Variants in CPVL observed in about 807,000 individuals in gnomAD.
CPVL encodes probable serine carboxypeptidase CPVL.
A neutral mutation model predicts 63.7 loss-of-function variants in CPVL; 51 were observed. That is an observed-to-expected ratio of 0.80 (90% CI 0.64 to 1.01). The LOEUF is 1.01. Ranked by LOEUF, CPVL falls within the 50% of genes least tolerant of loss-of-function variation. CPVL has a pLI of 0.00. For missense variants in CPVL, 530 were observed against 573.1 expected, an observed-to-expected ratio of 0.92 and a Z score of 0.77; for synonymous variants, 195 against 206.0, an observed-to-expected ratio of 0.95 and a Z score of 0.46.
intron 3 of CPVL, among the ~76,000 whole-genome samples, chr7:29,111,758 G>A (rs764466479): frequency 1.3e-5 from 2 of 152,142 alleles, no homozygotes; most frequent in Admixed American, 1.3e-4. Context: ...GAGAAACAAC[G>A]TAACTTGAAA....
At position 29,145,371 on chromosome 7, in the gene CPVL, T is replaced by C. The variant is rs946005073; in HGVS notation, c.-11+1058A>G. 2.6e-5 allele frequency among the ~76,000 whole-genome samples: 4 copies of C among 152,012 alleles called. No individual in the cohort carries two copies. The Middle Eastern group carries it at 0.01, about 388-fold the overall frequency. On this transcript the variant is annotated intron_variant, in intron 1 of 12. Coordinates refer to ENST00000265394, the MANE Select transcript of CPVL (RefSeq NM_031311.5). ...ATGCCAAAACTGAGGCTGTGGAAGATAAGTTACGTCCCTGATGTCATCCAA... is the reference window on the plus strand; with the variant it reads ...ATGCCAAAACTGAGGCTGTGGAAGACAAGTTACGTCCCTGATGTCATCCAA...
rs145327469 is a variant in CPVL, at chr7:29,175,880, A to G, written c.-11+5410T>C. Among the ~76,000 whole-genome samples, 269 of 152,174 alleles carry G rather than the reference A, an allele frequency of 1.8e-3. 1 individual carries two copies. Among genetic ancestry groups the G allele is most frequent in the African/African-American group, 6.2e-3 (258 of 41,534 alleles). ...GGCAATATTCAAAGAGATCATGACT[A>G]TTTTCCATAATTGAAAAAAAGACCA... On this transcript the variant is annotated intron_variant, in intron 5 of 16. Coordinates refer to the CPVL transcript ENST00000409850.
At chr7:29,180,146 T>G (rs1797877965) in intron 5 of CPVL, among the ~76,000 whole-genome samples, 1 of 152,226 alleles carries the variant, frequency 6.6e-6, no homozygotes, top group South Asian at 2.1e-4. Flanking sequence ...AGTTTTTTTA[T>G]TAGAAAGGAA....
At chr7:29,106,972 T>A (rs1787778500) in intron 3 of CPVL, among the ~76,000 whole-genome samples, 1 of 152,192 alleles carries the variant, frequency 6.6e-6, no homozygotes, top group Admixed American at 6.5e-5. Context: ...GGTCAAGGAA[T>A]CAGCCAGAGC....
intron 12 of CPVL, among the ~76,000 whole-genome samples, chr7:29,001,559 C>T (rs1784638281): frequency 6.6e-6 from 1 of 152,190 alleles, no homozygotes; most frequent in Non-Finnish European, 1.5e-5. Flanking sequence ...TTAGCAGACA[C>T]TTCCTAACAA....
upstream of CPVL, among the ~76,000 whole-genome samples, chr7:29,148,896 G>A (rs1009518624): frequency 5.9e-5 from 9 of 152,086 alleles, no homozygotes; most frequent in African/African-American, 1.7e-4. Context: ...GACTCTGCCC[G>A]AAGAGCCAGG....
At chr7:29,097,818 G>A (rs943429216) in intron 3 of CPVL, among the ~76,000 whole-genome samples, 6 of 152,184 alleles carry the variant, frequency 3.9e-5, no homozygotes, top group South Asian at 2.1e-4. Context: ...AGGTCTGAGC[G>A]CTGCCCTGAG....
chr7:29,099,478 G>A lies in CPVL; in HGVS notation c.289-3261C>T, dbSNP rs925743284. Among the ~76,000 whole-genome samples the A allele has an allele frequency of 2.0e-5, 3 of 152,190 alleles. No homozygotes were observed. In the South Asian group the frequency reaches 6.2e-4, roughly 32 times the overall value. ...TATGATCCCAGCACTTTGGGAGGCC[G>A]AGGCAGCAAGATCACCTGAGGTCAG... On this transcript the variant is annotated intron_variant, in intron 3 of 12. Transcript: ENST00000265394.
intron 5 of CPVL, among the ~76,000 whole-genome samples, chr7:29,175,750 A>T (rs1351202308): frequency 6.6e-6 from 1 of 150,742 alleles, no homozygotes; most frequent in Non-Finnish European, 1.5e-5. Flanking sequence ...GAGCACAGGG[A>T]AAAAAACAAA....
At chr7:29,142,211 A>C (rs1432011479) in intron 1 of CPVL, among the ~76,000 whole-genome samples, 2 of 152,198 alleles carry the variant, frequency 1.3e-5, no homozygotes, top group Admixed American at 6.5e-5. Flanking sequence ...CTGTAGATAA[A>C]CAGGCATTAA....
At chr7:29,081,680 T>C (rs1467594031) in intron 7 of CPVL, among the ~76,000 whole-genome samples, 2 of 152,220 alleles carry the variant, frequency 1.3e-5, no homozygotes, top group Non-Finnish European at 2.9e-5. Flanking sequence ...GGAGCTTCTA[T>C]TAACACTTCA....
In CPVL at chr7:29,052,198, C is replaced by T. The variant is rs541284101; in HGVS notation, c.1137+11863G>A. Among the ~76,000 whole-genome samples the T allele has an allele frequency of 3.4e-4, 51 of 151,484 alleles. No individual in the cohort carries two copies. In the South Asian group the frequency reaches 0.01, roughly 30 times the overall value. On this transcript the variant is annotated intron_variant, in intron 11 of 12. Transcript: ENST00000265394. The stretch of plus-strand genomic sequence containing the variant: ...TACAAACAGGGTGTGTTGTGTACTG[C>T]TTGGGTGATGGGTGCACCAAAATCT...
chr7:29,036,398 T>C lies in CPVL; in HGVS notation c.1138-5639A>G, dbSNP rs117919011. Among the ~76,000 whole-genome samples the C allele has an allele frequency of 7.7e-3, 1,168 of 152,308 alleles. 5 individuals carry two copies. Among genetic ancestry groups the C allele is most frequent in the Non-Finnish European group, 0.011 (723 of 68,020 alleles). On this transcript the variant is annotated intron_variant, in intron 11 of 12. Transcript: ENST00000265394. ...AAGCAAGTTGATCATCTGATAATGA[T>C]TGGAGAGACTCGACACAGCACTTCT...
Position 29,084,470 on chromosome 7 carries a change from T to C in CPVL, c.609+2014A>G, listed in dbSNP as rs573019207. On this transcript the variant is annotated intron_variant, in intron 7 of 12. Coordinates refer to ENST00000265394, the MANE Select transcript of CPVL (RefSeq NM_031311.5). ...GCCCTTGCCCTACTGCATCCTTTCA[T>C]GACACTTGTCCCTGCCTGATGGTGG... Among the ~76,000 whole-genome samples the C allele has an allele frequency of 1.4e-4, 21 of 152,358 alleles. No individual in the cohort carries two copies. In the South Asian group the frequency reaches 3.9e-3, roughly 29 times the overall value.
intron 5 of CPVL, among the ~76,000 whole-genome samples, chr7:29,177,028 G>C (rs1481829674): frequency 6.6e-6 from 1 of 151,776 alleles, no homozygotes; most frequent in Non-Finnish European, 1.5e-5. Flanking sequence ...AAGAAAGAGA[G>C]GGGAAAAAAT....
intron 11 of CPVL, among the ~76,000 whole-genome samples, chr7:29,063,852 A>T (rs1255552347): frequency 2.0e-5 from 3 of 152,126 alleles, no homozygotes; most frequent in Non-Finnish European, 4.4e-5. Context: ...GATTACAGGT[A>T]TAAGTCACCA....
intron 1 of CPVL, among the ~76,000 whole-genome samples, chr7:29,145,524 T>C (rs1792441089): frequency 1.4e-5 from 2 of 140,748 alleles, no homozygotes; most frequent in Admixed American, 7.1e-5. Flanking sequence ...GGGTCATGCA[T>C]AGCCACAGTC....
intron 9 of CPVL, among the ~76,000 whole-genome samples, chr7:29,069,169 G>A (rs1783453407): frequency 6.6e-6 from 1 of 151,776 alleles, no homozygotes; most frequent in Non-Finnish European, 1.5e-5. Flanking sequence ...GCCAGGCATG[G>A]TGGCTCACAG....
intron 1 of CPVL, among the ~76,000 whole-genome samples, chr7:29,188,983 C>T (rs1182711451): frequency 7.2e-6 from 1 of 139,630 alleles, no homozygotes; most frequent in African/African-American, 2.7e-5. Context: ...GAATCTCTTG[C>T]TCTGTCGCCC....
Sources: allele counts gnomAD v4.1 joint callset (sites outside exome capture counted in the v4.1 genomes callset), GRCh38; gene constraint gnomAD v4.1.1; transcripts MANE v1.5; gene names NCBI Gene and HGNC (gene_info 2026-07-23, HGNC 2026-07-21).